Variants in TRHDE observed in about 807,000 individuals in gnomAD.
TRHDE encodes the protein thyrotropin-releasing hormone-degrading ectoenzyme.
In TRHDE, 72 loss-of-function variants were observed where a neutral mutation model predicts 125.7. That is an observed-to-expected ratio of 0.57 (90% CI 0.47 to 0.70). TRHDE has a LOEUF of 0.70. TRHDE is among the 30% of genes least tolerant of loss of function. The pLI is 0.00. For missense variants in TRHDE, 1,110 were observed against 1,327.1 expected, an observed-to-expected ratio of 0.84 and a Z score of 2.54; for synonymous variants, 509 against 509.1, an observed-to-expected ratio of 1.00 and a Z score of 0.00.
chr12:72,490,516 A>G (rs1020965183), intron 5 of TRHDE, among the ~76,000 whole-genome samples: 15 of 151,902 alleles, frequency 9.9e-5, no homozygotes, highest in Non-Finnish European at 1.5e-4. Flanking sequence ...AGATATCTAT[A>G]CTTCAGTGTT....
intron 2 of TRHDE, among the ~76,000 whole-genome samples, chr12:72,259,617 C>T (rs1441751933): frequency 6.6e-6 from 1 of 152,192 alleles, no homozygotes; most frequent in African/African-American, 2.4e-5. Context: ...ATCCACTCTT[C>T]CAATTCCAAT....
intron 7 of TRHDE, among the ~76,000 whole-genome samples, chr12:72,553,892 A>G (rs1592531799): frequency 7.2e-6 from 1 of 138,808 alleles, no homozygotes; most frequent in African/African-American, 2.7e-5. Flanking sequence ...CTTGTCACCC[A>G]GGCTGGAGTA....
intron 12 of TRHDE, among the ~76,000 whole-genome samples, chr12:72,577,256 A>G (rs1871038798): frequency 6.6e-6 from 1 of 152,206 alleles, no homozygotes; most frequent in East Asian, 1.9e-4. Context: ...AGAATTATTT[A>G]GCACTTTTAA....
intron 6 of TRHDE, among the ~76,000 whole-genome samples, chr12:72,539,828 T>G (rs2135984884): frequency 6.6e-6 from 1 of 151,950 alleles, no homozygotes; most frequent in African/African-American, 2.4e-5. Flanking sequence ...GTCTCAAAAA[T>G]TATTAAATCT....
intron 6 of TRHDE, among the ~76,000 whole-genome samples, chr12:72,537,219 G>A (rs1419352103): frequency 6.6e-6 from 1 of 152,024 alleles, no homozygotes; most frequent in Non-Finnish European, 1.5e-5. Flanking sequence ...ATGAATGACA[G>A]ATACATTATT....
intron 2 of TRHDE, among the ~76,000 whole-genome samples, chr12:72,212,470 A>G (rs1877802995): frequency 6.6e-6 from 1 of 152,162 alleles, no homozygotes; most frequent in Non-Finnish European, 1.5e-5. Flanking sequence ...CACATATCTG[A>G]TAAGGAACTT....
intron 2 of TRHDE, chr12:72,163,167 G>C (rs11179096): frequency 6.6e-6 from 1 of 152,180 alleles, no homozygotes; most frequent in Admixed American, 6.6e-5. Flanking sequence ...CATTGCCTTA[G>C]AATGAGATAG....
intron 2 of TRHDE, among the ~76,000 whole-genome samples, chr12:72,216,675 C>T (rs191234364): frequency 6.6e-6 from 1 of 152,276 alleles, no homozygotes; most frequent in East Asian, 1.9e-4. Context: ...ACAATTTATG[C>T]TGATTGATTT....
intron 6 of TRHDE, among the ~76,000 whole-genome samples, chr12:72,520,235 C>G (rs1879118555): frequency 6.6e-6 from 1 of 152,238 alleles, no homozygotes; most frequent in African/African-American, 2.4e-5. Flanking sequence ...CGCCCCTCCC[C>G]CAGTCTCGCT....
At chr12:72,492,753 G>T (rs1274303643) in intron 5 of TRHDE, among the ~76,000 whole-genome samples, 1 of 151,706 alleles carries the variant, frequency 6.6e-6, no homozygotes, top group Non-Finnish European at 1.5e-5. Flanking sequence ...TTAACCTAGG[G>T]ACTCTTAAAA....
At chr12:72,568,505 T>C in intron 9 of TRHDE, 63 bp from the exon 10 acceptor site, 1 of 1,200,280 alleles carries the variant, frequency 8.3e-7, no homozygotes, top group Non-Finnish European at 1.2e-6. Context: ...GCATGGGAAA[T>C]GTTTTTTGTT....
intron 3 of TRHDE, among the ~76,000 whole-genome samples, chr12:72,416,759 G>C (rs184834131): frequency 6.6e-6 from 1 of 151,948 alleles, no homozygotes; most frequent in Non-Finnish European, 1.5e-5. Context: ...TACCTGTACC[G>C]TGCTGTTTAG....
intron 2 of TRHDE, among the ~76,000 whole-genome samples, chr12:72,160,193 C>T (rs1313356202): frequency 6.6e-6 from 1 of 152,126 alleles, no homozygotes; most frequent in Non-Finnish European, 1.5e-5. Context: ...GGCTGCCCTC[C>T]CTGCCTCTCT....
chr12:72,442,499 T>C (rs767337163), intron 3 of TRHDE, among the ~76,000 whole-genome samples: 3 of 151,918 alleles, frequency 2.0e-5, no homozygotes, highest in Non-Finnish European at 4.4e-5. Flanking sequence ...TCCTTACTTA[T>C]CTATCTGCAT....
Position 72,307,923 on chromosome 12 carries a change from G to T in TRHDE, c.1188+20969G>T, listed in dbSNP as rs537978687. On this transcript the variant is annotated intron_variant, in intron 2 of 18. Coordinates refer to ENST00000261180, the MANE Select transcript of TRHDE (RefSeq NM_013381.3). ...ACATTTTATGTGCACCTGTAAAAAT[G>T]AAGTTTTTATTACAAATCAGATACC... 1.6e-3 allele frequency among the ~76,000 whole-genome samples: 239 copies of T among 152,266 alleles called. 1 individual carries two copies. The highest frequency in any genetic ancestry group is 5.3e-3 in the African/African-American group (219 of 41,570).
At chr12:72,501,078 G>T (rs1427681827) in intron 6 of TRHDE, among the ~76,000 whole-genome samples, 2 of 151,810 alleles carry the variant, frequency 1.3e-5, no homozygotes, top group African/African-American at 4.8e-5. Flanking sequence ...GTAGTTCTCA[G>T]TGAATACATT....
At chr12:72,135,677 T>A (rs1566238710) in intron 2 of TRHDE, among the ~76,000 whole-genome samples, 1 of 151,988 alleles carries the variant, frequency 6.6e-6, no homozygotes. Context: ...ACAAGTGCCT[T>A]GTGTGGATGA....
chr12:72,107,271 G>A (rs2139292800), intron 2 of TRHDE, among the ~76,000 whole-genome samples: 1 of 152,148 alleles, frequency 6.6e-6, no homozygotes, highest in East Asian at 1.9e-4. Context: ...AAATTCATTG[G>A]CAGCTTTGTT....
chr12:72,407,144 A>C (rs1393837617), intron 3 of TRHDE, among the ~76,000 whole-genome samples: 1 of 152,088 alleles, frequency 6.6e-6, no homozygotes, highest in Non-Finnish European at 1.5e-5. Flanking sequence ...TTGGGAGAGA[A>C]ATGGTCTGTT....
Sources: gnomAD v4.1 joint callset for allele counts (sites outside exome capture counted in the v4.1 genomes callset) on GRCh38, gnomAD v4.1.1 for gene constraint, MANE v1.5 for transcripts, NCBI Gene and HGNC (gene_info 2026-07-23, HGNC 2026-07-21) for gene names.